KCNS2: variants seen among roughly 807,000 people sequenced by gnomAD.
KCNS2 encodes potassium voltage-gated channel modifier subfamily S member 2.
Under a neutral mutation model 28.3 loss-of-function variants are expected in KCNS2, and 15 were observed. That is an observed-to-expected ratio of 0.53 (90% confidence interval 0.35 to 0.82). The LOEUF is 0.82. Among genes scored for constraint, KCNS2 ranks in the 40% least tolerant of loss-of-function variants. The probability of loss-of-function intolerance (pLI) is 0.01; values close to 1 mark genes in which losing one functional copy is unlikely to be tolerated. For missense variants in KCNS2, 501 were observed against 617.1 expected, an observed-to-expected ratio of 0.81 and a Z score of 1.99; for synonymous variants, 254 against 256.7, an observed-to-expected ratio of 0.99 and a Z score of 0.10.
Position 98,431,315 on chromosome 8 carries a change from G to A in KCNS2, c.*1902G>A, listed in dbSNP as rs142095089. 12 of 167,230 alleles carry A rather than the reference G, an allele frequency of 7.2e-5. No individual in the cohort carries two copies. Among genetic ancestry groups the A allele is most frequent in the African/African-American group, 2.9e-4 (12 of 41,586 alleles). The allele number at this position is 167,230 out of a possible 1,614,324, so 10.4% of individuals were successfully genotyped here. A position where few individuals can be genotyped will look rare whatever the true frequency, so the allele number is the denominator to read the frequency against. On this transcript the variant is annotated 3_prime_UTR_variant, in exon 2 of 2. Coordinates refer to ENST00000287042, the MANE Select transcript of KCNS2 (RefSeq NM_020697.4). Reference sequence around the variant, plus strand: ...TCCATTGGACTGGAGGCTTGTGGGAGGCTGGGAGGTGGCTGTCTCCTAGTG... The same window carrying A: ...TCCATTGGACTGGAGGCTTGTGGGAAGCTGGGAGGTGGCTGTCTCCTAGTG...
Position 98,428,022 on chromosome 8 carries a change from G to T in KCNS2, c.43G>T (p.Glu15Ter). 6.2e-7 allele frequency: 1 copy of T among 1,600,164 alleles called. No individual in the cohort carries two copies. The highest frequency in any genetic ancestry group is 8.5e-7 in the Non-Finnish European group (1 of 1,172,352). Residue 15 changes from glutamate (E) to a stop codon, truncating the protein, a stop_gained, in exon 2 of 2, where the codon GAG becomes TAG. Transcript: ENST00000287042. LOFTEE classifies it high-confidence loss of function. This position sits in a 1 kb window ranked among gnomAD's most constrained non-coding sequence, Gnocchi z 6.7. ...SLWDVSEANVEDGEIRINVGG... is the reference protein window; with the variant it reads ...SLWDVSEANV ...GTGGGACGTGTCGGAGGCTAACGTC[G>T]AGGACGGGGAGATCCGCATCAATGT...
chr8:98,430,570 G>A lies in KCNS2; in HGVS notation c.*1157G>A, dbSNP rs773963000. ...TAATTTTGCTTCTAGGATATAGTAT[G>A]TTGTATATGATGCTGTGATTGCCCT... On this transcript the variant is annotated 3_prime_UTR_variant, in exon 2 of 2. Coordinates refer to ENST00000287042, the MANE Select transcript of KCNS2 (RefSeq NM_020697.4). 1.8e-5 allele frequency: 3 copies of A among 167,026 alleles called. No homozygotes were observed. In the South Asian group the frequency reaches 6.2e-4, roughly 35 times the overall value. 10.3% of individuals were successfully genotyped at this position (167,026 alleles called of 1,614,324 possible).
At position 98,430,510 on chromosome 8, in the gene KCNS2, A is replaced by G. The variant is rs1418618228; in HGVS notation, c.*1097A>G. The G allele has an allele frequency of 1.2e-5, 2 of 167,072 alleles. No individual in the cohort carries two copies. The highest frequency in any genetic ancestry group is 3.8e-4 in the East Asian group (2 of 5,202). The allele number at this position is 167,072 out of a possible 1,614,324, so 10.3% of individuals were successfully genotyped here. On this transcript the variant is annotated 3_prime_UTR_variant, in exon 2 of 2. Coordinates refer to ENST00000287042, the MANE Select transcript of KCNS2 (RefSeq NM_020697.4). ...GCCTACTCTGAAAGCTCATCAAATG[A>G]GAGCCCTTTTATTTCCAAGCAGAAT...
In KCNS2 at chr8:98,429,534, C is replaced by T; in HGVS notation, c.*121C>T. 1.4e-6 allele frequency: 1 copy of T among 692,788 alleles called. No homozygotes were observed. The allele number at this position is 692,788 out of a possible 1,614,324, so 42.9% of individuals were successfully genotyped here. On this transcript the variant is annotated 3_prime_UTR_variant, in exon 2 of 2. Coordinates refer to ENST00000287042, the MANE Select transcript of KCNS2 (RefSeq NM_020697.4). ...TGCCCAGCCCCTGAGGGGAGAGATG[C>T]ATGGGATATGCACCCAGGTTTCTTT... is the stretch of plus-strand genomic sequence containing the variant.
Position 98,428,967 on chromosome 8 carries a change from G to T in KCNS2, c.988G>T (p.Gly330Trp). The T allele has an allele frequency of 6.2e-7, 1 of 1,614,140 alleles. No homozygotes were observed. Among genetic ancestry groups the T allele is most frequent in the Admixed American group, 1.7e-5 (1 of 60,026 alleles). ...ATLKYSYKEV[G>W]LLLLYLSVGI... ...TTTGAAATACAGCTACAAAGAAGTAGGGCTGCTCTTGCTCTACCTCTCCGT... is the reference window on the plus strand; with the variant it reads ...TTTGAAATACAGCTACAAAGAAGTATGGCTGCTCTTGCTCTACCTCTCCGT... Residue 330 changes from glycine (G) to tryptophan (W), a missense_variant, in exon 2 of 2, where the codon GGG (glycine) becomes TGG (tryptophan). Coordinates refer to ENST00000287042, the MANE Select transcript of KCNS2 (RefSeq NM_020697.4). The surrounding 1 kb of genome is among the most constrained non-coding windows in gnomAD (Gnocchi z 6.7).
In KCNS2 at chr8:98,428,076, C is replaced by T. The variant is rs1203917754; in HGVS notation, c.97C>T (p.His33Tyr). 2 of 1,613,650 alleles carry T rather than the reference C, an allele frequency of 1.2e-6. No individual in the cohort carries two copies. Among genetic ancestry groups the T allele is most frequent in the Admixed American group, 1.7e-5 (1 of 59,988 alleles). ...VGGFKRRLRS[H>Y]TLLRFPETRL... ...CGGCTTCAAGAGGAGGCTGCGCTCG[C>T]ACACGCTGCTGCGCTTCCCCGAGAC... The change falls in exon 2 of 2, where the codon CAC (histidine) becomes TAC (tyrosine). Residue 33 changes from histidine to tyrosine, a missense_variant. Transcript: ENST00000287042. The surrounding 1 kb of genome is among the most constrained non-coding windows in gnomAD (Gnocchi z 6.7).
In KCNS2 at chr8:98,429,384, G is replaced by A; in HGVS notation, c.1405G>A (p.Glu469Lys). The stretch of plus-strand genomic sequence containing the variant: ...GAACATGAGCAGGAGCTCACCAAGT[G>A]AACTCAGTTTAAATGATTCCCTACG... The part of the protein sequence containing the change: ...LTNMSRSSPS[E>K]LSLNDSLR Residue 469 changes from glutamate (E) to lysine (K), a missense_variant, in exon 2 of 2, where the codon GAA (glutamate) becomes AAA (lysine). By Grantham distance (56) the Glu-to-Lys change is moderately conservative (BLOSUM62 1). Transcript: ENST00000287042. The A allele has an allele frequency of 6.2e-7, 1 of 1,613,436 alleles. No homozygotes were observed. Among genetic ancestry groups the A allele is most frequent in the Non-Finnish European group, 8.5e-7 (1 of 1,179,500 alleles).
rs1299278494 is a variant in KCNS2, at chr8:98,430,644, C to G, written c.*1231C>G. 6.0e-6 allele frequency: 1 copy of G among 167,012 alleles called. No homozygotes were observed. The highest frequency in any genetic ancestry group is 1.5e-5 in the Non-Finnish European group (1 of 68,140). The allele number at this position is 167,012 out of a possible 1,614,324, so 10.3% of individuals were successfully genotyped here. ...ACCTGGTGGTATGGAAGCATGTACT[C>G]AAAATATAGACGTGCACGATGGTGG... On this transcript the variant is annotated 3_prime_UTR_variant, in exon 2 of 2. Transcript: ENST00000287042.
At position 98,429,510 on chromosome 8, in the gene KCNS2, G is replaced by T. The variant is rs2131070652; in HGVS notation, c.*97G>T. ...CTTATGGTTATGGTGTAAGGAGTATGCCCAGCCCCTGAGGGGAGAGATGCA... is the reference window on the plus strand; with the variant it reads ...CTTATGGTTATGGTGTAAGGAGTATTCCCAGCCCCTGAGGGGAGAGATGCA... On this transcript the variant is annotated 3_prime_UTR_variant, in exon 2 of 2. Coordinates refer to ENST00000287042, the MANE Select transcript of KCNS2 (RefSeq NM_020697.4). 3 of 857,358 alleles carry T rather than the reference G, an allele frequency of 3.5e-6. No homozygotes were observed. The highest frequency in any genetic ancestry group is 3.1e-4 in the Middle Eastern group (1 of 3,214). The allele number at this position is 857,358 out of a possible 1,614,324, so 53.1% of individuals were successfully genotyped here.
At position 98,428,270 on chromosome 8, in the gene KCNS2, T is replaced by C. The variant is rs746109274; in HGVS notation, c.291T>C (p.Cys97=). Residue 97 remains cysteine, a synonymous_variant, in exon 2 of 2, where the codon TGT becomes TGC. Transcript: ENST00000287042. This position sits in a 1 kb window ranked among gnomAD's most constrained non-coding sequence, Gnocchi z 6.7. ...AGCTTCACGTCATGGCTGAGCTATG[T>C]GTCTTCTCCTTCAGCCAGGAGATCG... ...TGKLHVMAEL[C]VFSFSQEIEY... is the part of the protein sequence containing the mutation. 6.2e-7 allele frequency: 1 copy of C among 1,614,128 alleles called. No homozygotes were observed. The highest frequency in any genetic ancestry group is 1.1e-5 in the South Asian group (1 of 91,078).
In KCNS2 at chr8:98,429,235, G is replaced by A. The variant is rs1321499528; in HGVS notation, c.1256G>A (p.Arg419His). The A allele has an allele frequency of 5.0e-6, 8 of 1,613,868 alleles. No individual in the cohort carries two copies. The highest frequency in any genetic ancestry group is 1.6e-4 in the Middle Eastern group (1 of 6,084). The change falls in exon 2 of 2, where the codon CGC becomes CAC. Residue 419 changes from arginine (R) to histidine (H), a missense_variant. By Grantham distance (29) the Arg-to-His change is conservative. Transcript: ENST00000287042. ...AATAAGTTCTCCCACTTTTACCGGCGCCAAAAGCAACTTGAGAGTGCCATG... is the reference window on the plus strand; with the variant it reads ...AATAAGTTCTCCCACTTTTACCGGCACCAAAAGCAACTTGAGAGTGCCATG... ...IFNKFSHFYRRQKQLESAMRS... is the reference protein window; with the variant it reads ...IFNKFSHFYRHQKQLESAMRS...
rs1301623130 is a variant in KCNS2 at position 98,432,115 on chromosome 8, G to C, written c.*2702G>C. The C allele has an allele frequency of 6.0e-6, 1 of 166,440 alleles. No individual in the cohort carries two copies. Among genetic ancestry groups the C allele is most frequent in the South Asian group, 2.1e-4 (1 of 4,824 alleles). The allele number at this position is 166,440 out of a possible 1,614,324, so 10.3% of individuals were successfully genotyped here. A position where few individuals can be genotyped will look rare whatever the true frequency, so the allele number is the denominator to read the frequency against. On this transcript the variant is annotated 3_prime_UTR_variant, in exon 2 of 2. Coordinates refer to ENST00000287042, the MANE Select transcript of KCNS2 (RefSeq NM_020697.4). ...GGTGCTCTCCACTGGGTCTTTGATC[G>C]ACCTTGCTAGATAACATCTAACCAG...
rs1206457140 is a variant in KCNS2 at position 98,429,430 on chromosome 8, C to T, written c.*17C>T. 6.5e-7 allele frequency: 1 copy of T among 1,548,378 alleles called. No individual in the cohort carries two copies. The highest frequency in any genetic ancestry group is 1.7e-4 in the Middle Eastern group (1 of 5,854). The stretch of plus-strand genomic sequence containing the variant: ...CTACGTTAGCCGGGAGGACTTGTCA[C>T]CCTCCACCCCACATTGCTGAGCTGC... On this transcript the variant is annotated 3_prime_UTR_variant, in exon 2 of 2. Transcript: ENST00000287042.
chr8:98,427,890 C>T, intron 1 of KCNS2, 48 bp from the exon 2 acceptor site: 1 of 1,191,884 alleles, frequency 8.4e-7, no homozygotes, highest in Non-Finnish European at 1.2e-6. Flanking sequence ...GAGGGGGCCC[C>T]GCCAGGGCGC....
At position 98,428,373 on chromosome 8, in the gene KCNS2, C is replaced by A. The variant is rs1024200511; in HGVS notation, c.394C>A (p.Gln132Lys). The change falls in exon 2 of 2, where the codon CAG (glutamine) becomes AAG (lysine). Residue 132 changes from glutamine to lysine, a missense_variant. By Grantham distance (53) the Gln-to-Lys change is moderately conservative (BLOSUM62 1). Transcript: ENST00000287042. The surrounding 1 kb of genome is among the most constrained non-coding windows in gnomAD (Gnocchi z 6.7). Reference protein sequence around the residue: ...SYHGRKVEPEQEKWDEQSDQE... With the variant: ...SYHGRKVEPEKEKWDEQSDQE... ...CCATGGCCGCAAAGTAGAGCCCGAG[C>A]AGGAGAAGTGGGACGAGCAGAGTGA... The A allele has an allele frequency of 1.9e-6, 3 of 1,614,062 alleles. No individual in the cohort carries two copies. Among genetic ancestry groups the A allele is most frequent in the African/African-American group, 2.7e-5 (2 of 74,926 alleles).
chr8:98,428,843 C>T lies in KCNS2; in HGVS notation c.864C>T (p.Ala288=), dbSNP rs1156738199. Reference sequence around the variant, plus strand: ...TGGTGGAGAGCACACCTACTTTAGCCAACTTGGGCAGGGTGGCCCAGGTCC... The same window carrying T: ...TGGTGGAGAGCACACCTACTTTAGCTAACTTGGGCAGGGTGGCCCAGGTCC... The part of the protein sequence containing the change: ...NLVVESTPTL[A]NLGRVAQVLR... The change falls in exon 2 of 2, where the codon GCC becomes GCT. Residue 288 remains alanine, a synonymous_variant. Coordinates refer to ENST00000287042, the MANE Select transcript of KCNS2 (RefSeq NM_020697.4). This position sits in a 1 kb window ranked among gnomAD's most constrained non-coding sequence, Gnocchi z 6.7. 4 of 1,614,170 alleles carry T rather than the reference C, an allele frequency of 2.5e-6. No homozygotes were observed. The South Asian group carries it at 3.3e-5, about 13-fold the overall frequency.
chr8:98,428,447 C>A lies in KCNS2; in HGVS notation c.468C>A (p.Asn156Lys), dbSNP rs199526084. ...SSFDEILAFYNDASKFDGQPL... is the reference protein window; with the variant it reads ...SSFDEILAFYKDASKFDGQPL... ...TCGATGAGATCCTTGCCTTCTACAA[C>A]GACGCCTCCAAGTTCGATGGGCAGC... Residue 156 changes from asparagine to lysine, a missense_variant, in exon 2 of 2, where the codon AAC becomes AAA. Coordinates refer to ENST00000287042, the MANE Select transcript of KCNS2 (RefSeq NM_020697.4). The surrounding 1 kb of genome is among the most constrained non-coding windows in gnomAD (Gnocchi z 6.7). The A allele has an allele frequency of 6.2e-7, 1 of 1,613,996 alleles. No homozygotes were observed. The highest frequency in any genetic ancestry group is 1.3e-5 in the African/African-American group (1 of 74,926).
rs1193722167 is a variant in KCNS2 at position 98,427,268 on chromosome 8, T to A, written c.-104T>A. On this transcript the variant is annotated 5_prime_UTR_variant, in exon 1 of 2. The change abolishes an upstream ATG in the 5' untranslated region. Coordinates refer to ENST00000287042, the MANE Select transcript of KCNS2 (RefSeq NM_020697.4). Reference sequence around the variant, plus strand: ...CAGCAGGCAGCGGCCACCGCCGCGATGCTCGCCCGCGGGTTGGGGAAGTTT... The same window carrying A: ...CAGCAGGCAGCGGCCACCGCCGCGAAGCTCGCCCGCGGGTTGGGGAAGTTT... 1.3e-5 allele frequency: 2 copies of A among 151,254 alleles called. No homozygotes were observed. The highest frequency in any genetic ancestry group is 3.0e-5 in the Non-Finnish European group (2 of 67,760). The allele number at this position is 151,254 out of a possible 1,614,324, so 9.4% of individuals were successfully genotyped here.
rs1389106934 is a variant in KCNS2, at chr8:98,431,606, C to T, written c.*2193C>T. ...TGAGCCTGGTATCCATGGCCGCTGA[C>T]CAGGAAGCTTATGCAAAGTGGAAGC... is the stretch of plus-strand genomic sequence containing the variant. On this transcript the variant is annotated 3_prime_UTR_variant, in exon 2 of 2. Coordinates refer to ENST00000287042, the MANE Select transcript of KCNS2 (RefSeq NM_020697.4). The T allele has an allele frequency of 4.2e-5, 7 of 166,930 alleles. No individual in the cohort carries two copies. The highest frequency in any genetic ancestry group is 7.3e-5 in the African/African-American group (3 of 41,372). The allele number at this position is 166,930 out of a possible 1,614,324, so 10.3% of individuals were successfully genotyped here.
Sources: allele counts gnomAD v4.1 joint callset, GRCh38; gene constraint gnomAD v4.1.1; non-coding constraint Gnocchi (gnomAD v3.1); transcripts MANE v1.5; gene names NCBI Gene and HGNC (gene_info 2026-07-23, HGNC 2026-07-21).